NKAIN3: variants seen among roughly 807,000 people sequenced by gnomAD.
The protein encoded by NKAIN3 is sodium/potassium transporting ATPase interacting 3, also known as sodium/potassium-transporting ATPase subunit beta-1-interacting protein 3.
A neutral mutation model predicts 30.2 loss-of-function variants in NKAIN3; 25 were observed. The ratio of observed to expected loss-of-function variants is 0.83; its 90% confidence interval spans 0.60 to 1.16. NKAIN3 has a LOEUF of 1.16. Ranked by LOEUF, NKAIN3 falls within the 50% of genes most tolerant of loss-of-function variation. The pLI is 0.00. For synonymous variants in NKAIN3, 91 were observed against 89.6 expected, an observed-to-expected ratio of 1.02 and a Z score of -0.09; for missense variants, 225 against 254.1, an observed-to-expected ratio of 0.89 and a Z score of 0.78.
intron 5 of NKAIN3, among the ~76,000 whole-genome samples, chr8:62,994,119 T>C (rs143164329): frequency 6.6e-6 from 1 of 152,330 alleles, no homozygotes; most frequent in African/African-American, 2.4e-5. Context: ...TTTTAGAAAG[T>C]TGTCCTGCAG....
intron 1 of NKAIN3, among the ~76,000 whole-genome samples, chr8:62,320,606 G>A (rs2129589369): frequency 1.3e-5 from 2 of 152,182 alleles, no homozygotes; most frequent in Admixed American, 1.3e-4. Context: ...TAGTTTGACT[G>A]GATATGAAAT....
At chr8:62,888,979 A>G (rs1044243284) in intron 4 of NKAIN3, among the ~76,000 whole-genome samples, 10 of 152,204 alleles carry the variant, frequency 6.6e-5, no homozygotes, top group Non-Finnish European at 1.5e-4. Context: ...ATTTTTAGCA[A>G]AAGTTTCTTA....
At chr8:62,318,873 T>C (rs2129589214) in intron 1 of NKAIN3, among the ~76,000 whole-genome samples, 1 of 152,260 alleles carries the variant, frequency 6.6e-6, no homozygotes, top group Admixed American at 6.5e-5. Context: ...GGATTCCCTC[T>C]TTTTCTATTG....
At chr8:62,587,135 C>T (rs1810500473) in intron 2 of NKAIN3, among the ~76,000 whole-genome samples, 1 of 151,880 alleles carries the variant, frequency 6.6e-6, no homozygotes, top group African/African-American at 2.4e-5. Context: ...TCCTGCCTAG[C>T]TAAATTTCTA....
intron 3 of NKAIN3, among the ~76,000 whole-genome samples, chr8:62,611,624 T>C (rs1432650054): frequency 6.6e-6 from 1 of 152,158 alleles, no homozygotes; most frequent in Non-Finnish European, 1.5e-5. Context: ...CTGGATCTCA[T>C]TCTTTTTTAT....
intron 3 of NKAIN3, among the ~76,000 whole-genome samples, chr8:62,661,005 C>T (rs556633240): frequency 6.6e-6 from 1 of 152,346 alleles, no homozygotes; most frequent in Non-Finnish European, 1.5e-5. Flanking sequence ...GGTTGATACA[C>T]ATGAAGTATT....
intron 1 of NKAIN3, among the ~76,000 whole-genome samples, chr8:62,335,695 C>G (rs926103352): frequency 1.3e-5 from 2 of 151,976 alleles, no homozygotes; most frequent in Non-Finnish European, 2.9e-5. Context: ...ATTCTAAAAT[C>G]CAACCAGATG....
chr8:62,590,435 T>C (rs997044124), intron 3 of NKAIN3, among the ~76,000 whole-genome samples: 2 of 151,860 alleles, frequency 1.3e-5, no homozygotes, highest in Admixed American at 1.3e-4. Flanking sequence ...CAAAAATGTC[T>C]CACCACCCAA....
intron 3 of NKAIN3, among the ~76,000 whole-genome samples, chr8:62,676,334 C>T (rs896769130): frequency 6.6e-6 from 1 of 152,252 alleles, no homozygotes; most frequent in East Asian, 1.9e-4. Context: ...TTTGGGAGGC[C>T]GAGGCAGGTG....
intron 3 of NKAIN3, among the ~76,000 whole-genome samples, chr8:62,730,369 A>C (rs1180522369): frequency 6.6e-6 from 1 of 152,154 alleles, no homozygotes; most frequent in African/African-American, 2.4e-5. Flanking sequence ...AAATGTAAAT[A>C]TGTTAATCTT....
intron 3 of NKAIN3, among the ~76,000 whole-genome samples, chr8:62,638,239 A>AG (rs1444912099): frequency 6.6e-6 from 1 of 152,298 alleles, no homozygotes; most frequent in South Asian, 2.1e-4. Context: ...CTGATTTTGG[A>AG]TAAAAACCCA....
At chr8:62,291,871 G>T (rs978837559) in intron 1 of NKAIN3, among the ~76,000 whole-genome samples, 1 of 152,104 alleles carries the variant, frequency 6.6e-6, no homozygotes, top group African/African-American at 2.4e-5. Flanking sequence ...GTGGGAGTCT[G>T]TGTCTCTTTG....
intron 1 of NKAIN3, among the ~76,000 whole-genome samples, chr8:62,425,325 A>G (rs1804775293): frequency 6.6e-6 from 1 of 151,910 alleles, no homozygotes; most frequent in African/African-American, 2.4e-5. Flanking sequence ...CCAGGGAGGG[A>G]AAATTATTCA....
rs1042820842 is a variant in NKAIN3 at position 62,365,277 on chromosome 8, T to C, written c.54+116150T>C. On this transcript the variant is annotated intron_variant, in intron 1 of 6. Coordinates refer to ENST00000623646, the MANE Select transcript of NKAIN3 (RefSeq NM_001304533.3). ...CTTTTGCCAGTTTCATTCTCTCCTG[T>C]CTTCCACATTGCAGCATTTGGTGTT... Among the ~76,000 whole-genome samples, 6 of 152,208 alleles carry C rather than the reference T, an allele frequency of 3.9e-5. 1 individual carries two copies. The highest frequency in any genetic ancestry group is 1.4e-4 in the African/African-American group (6 of 41,450).
intron 5 of NKAIN3, among the ~76,000 whole-genome samples, chr8:62,938,540 T>C (rs1822855853): frequency 6.6e-6 from 1 of 151,454 alleles, no homozygotes; most frequent in South Asian, 2.1e-4. Flanking sequence ...CTAGTAACCA[T>C]GGCTAAGTGA....
At chr8:62,838,502 A>G (rs548488729) in intron 4 of NKAIN3, among the ~76,000 whole-genome samples, 183 of 152,110 alleles carry the variant, frequency 1.2e-3, no homozygotes, top group African/African-American at 4.3e-3. Flanking sequence ...TAACTCTCAA[A>G]TTATCTTATA....
intron 1 of NKAIN3, among the ~76,000 whole-genome samples, chr8:62,457,245 A>AT (rs1233972966): frequency 1.3e-5 from 2 of 152,144 alleles, no homozygotes; most frequent in South Asian, 2.1e-4. Context: ...TGGAAGAGGG[A>AT]TTTTTTAATT....
At chr8:62,946,383 G>T (rs138480479) in intron 5 of NKAIN3, among the ~76,000 whole-genome samples, 55 of 152,308 alleles carry the variant, frequency 3.6e-4, no homozygotes, top group Non-Finnish European at 1.5e-4. Context: ...ACAGCAGGCC[G>T]TGCCTACTGA....
At chr8:62,471,780 C>T (rs1006065312) in intron 1 of NKAIN3, among the ~76,000 whole-genome samples, 1 of 152,022 alleles carries the variant, frequency 6.6e-6, no homozygotes, top group Non-Finnish European at 1.5e-5. Flanking sequence ...CTCACCTCCA[C>T]AAAAATTAAA....
Sources: allele counts gnomAD v4.1 joint callset (sites outside exome capture counted in the v4.1 genomes callset), GRCh38; gene constraint gnomAD v4.1.1; transcripts MANE v1.5; gene names NCBI Gene and HGNC (gene_info 2026-07-23, HGNC 2026-07-21).